The following SGCZ variants were observed in gnomAD, a reference collection of about 807,000 sequenced individuals.
SGCZ encodes the protein zeta-sarcoglycan.
In SGCZ, 40 loss-of-function variants were observed where a neutral mutation model predicts 41.3. The ratio of observed to expected loss-of-function variants is 0.97; its 90% CI spans 0.75 to 1.26. The LOEUF is 1.26. Among genes scored for constraint, SGCZ ranks in the 50% most tolerant of loss-of-function variants. The probability of loss-of-function intolerance (pLI) is 0.00; values close to 1 mark genes in which losing one functional copy is unlikely to be tolerated. For synonymous variants in SGCZ, 206 were observed against 137.5 expected, an observed-to-expected ratio of 1.50 and a Z score of -3.49; for missense variants, 552 against 369.8, an observed-to-expected ratio of 1.49 and a Z score of -4.04.
At chr8:14,264,836 G>T (rs1475232229) in intron 3 of SGCZ, among the ~76,000 whole-genome samples, 1 of 152,052 alleles carries the variant, frequency 6.6e-6, no homozygotes, top group Non-Finnish European at 1.5e-5. Flanking sequence ...GGTGGCGGGC[G>T]CCTGTAGTCC....
chr8:14,660,471 G>T (rs1200160178), intron 1 of SGCZ, among the ~76,000 whole-genome samples: 1 of 149,796 alleles, frequency 6.7e-6, no homozygotes, highest in Non-Finnish European at 1.5e-5. Context: ...ACCTGGGAGG[G>T]TGAGGCAGGA....
chr8:14,109,698 G>T (rs1305345146), intron 5 of SGCZ, among the ~76,000 whole-genome samples: 2 of 152,076 alleles, frequency 1.3e-5, no homozygotes, highest in Non-Finnish European at 2.9e-5. Flanking sequence ...AAACTAAATT[G>T]CTATATATGG....
intron 1 of SGCZ, among the ~76,000 whole-genome samples, chr8:14,685,302 C>G (rs1808576740): frequency 1.3e-5 from 2 of 151,924 alleles, no homozygotes; most frequent in Admixed American, 6.6e-5. Context: ...TTTCCAATTA[C>G]AGAGTAAAAA....
intron 1 of SGCZ, among the ~76,000 whole-genome samples, chr8:14,745,822 T>A (rs1354492752): frequency 1.3e-5 from 2 of 152,080 alleles, no homozygotes; most frequent in Non-Finnish European, 2.9e-5. Flanking sequence ...AAGTAGGGAA[T>A]TTAGTATATT....
chr8:14,847,174 GA>G (rs1803157475), intron 1 of SGCZ, among the ~76,000 whole-genome samples: 1 of 143,666 alleles, frequency 7.0e-6, no homozygotes, highest in African/African-American at 2.7e-5. Flanking sequence ...AGAAGAAGAA[GA>G]AGAAGAAGAA....
At chr8:15,221,196 C>T (rs1801589340) in intron 1 of SGCZ, among the ~76,000 whole-genome samples, 2 of 152,070 alleles carry the variant, frequency 1.3e-5, no homozygotes, top group Non-Finnish European at 2.9e-5. Context: ...TACATTTACT[C>T]TAAGAAGTCA....
At chr8:15,022,452 T>C (rs1351132967) in intron 1 of SGCZ, among the ~76,000 whole-genome samples, 2 of 152,146 alleles carry the variant, frequency 1.3e-5, no homozygotes, top group African/African-American at 4.8e-5. Flanking sequence ...CAAGCGATTC[T>C]CCTACTTCAG....
chr8:14,396,247 T>A (rs1467861049), intron 2 of SGCZ, among the ~76,000 whole-genome samples: 3 of 152,172 alleles, frequency 2.0e-5, no homozygotes, highest in African/African-American at 7.2e-5. Context: ...TTCAATTTAG[T>A]GTAAGGTAAG....
At chr8:14,527,541 C>A (rs192008253) in intron 2 of SGCZ, among the ~76,000 whole-genome samples, 1 of 148,888 alleles carries the variant, frequency 6.7e-6, no homozygotes, top group Non-Finnish European at 1.5e-5. Flanking sequence ...AAAATATTCA[C>A]CTTTTTTTAA....
At position 14,998,706 on chromosome 8, in the gene SGCZ, G is replaced by C. The variant is rs78173836; in HGVS notation, c.39+238879C>G. On this transcript the variant is annotated intron_variant, in intron 1 of 7. Transcript: ENST00000382080. The stretch of plus-strand genomic sequence containing the variant: ...TTATTCATAATTCTTATCAGAGTTT[G>C]GTCCTGTATAGAGTTGCAATGCTTG... 9.8e-3 allele frequency among the ~76,000 whole-genome samples: 1,498 copies of C among 152,260 alleles called. 64 individuals are homozygous for C. The East Asian group carries it at 0.15, about 15-fold the overall frequency.
chr8:14,323,808 T>C (rs1802006863), intron 3 of SGCZ, among the ~76,000 whole-genome samples: 1 of 152,020 alleles, frequency 6.6e-6, no homozygotes, highest in Non-Finnish European at 1.5e-5. Context: ...AATGCCCCCT[T>C]GGGATTTACT....
At chr8:15,122,094 G>A (rs911476043) in intron 1 of SGCZ, among the ~76,000 whole-genome samples, 1 of 151,854 alleles carries the variant, frequency 6.6e-6, no homozygotes, top group African/African-American at 2.4e-5. Flanking sequence ...TTTTAAATTT[G>A]GAGGTTTGAT....
At chr8:15,211,895 T>A (rs1801247443) in intron 1 of SGCZ, among the ~76,000 whole-genome samples, 1 of 152,130 alleles carries the variant, frequency 6.6e-6, no homozygotes, top group African/African-American at 2.4e-5. Context: ...TTGATTAGGG[T>A]TCACTTTTGG....
chr8:15,233,391 T>C (rs1802020769), intron 1 of SGCZ, among the ~76,000 whole-genome samples: 1 of 151,854 alleles, frequency 6.6e-6, no homozygotes, highest in South Asian at 2.1e-4. Context: ...AACTCTCTTA[T>C]TTGATTTAAA....
intron 1 of SGCZ, among the ~76,000 whole-genome samples, chr8:14,562,562 T>C (rs1251005044): frequency 6.6e-6 from 1 of 152,142 alleles, no homozygotes; most frequent in Non-Finnish European, 1.5e-5. Flanking sequence ...AGAATATCTT[T>C]CAGAGCAAGT....
At chr8:14,373,092 A>C (rs1803970172) in intron 2 of SGCZ, among the ~76,000 whole-genome samples, 1 of 152,166 alleles carries the variant, frequency 6.6e-6, no homozygotes, top group African/African-American at 2.4e-5. Flanking sequence ...TCTAGAGGAA[A>C]GAAAATGAGG....
At chr8:14,974,892 C>T (rs1192221728) in intron 1 of SGCZ, among the ~76,000 whole-genome samples, 5 of 149,396 alleles carry the variant, frequency 3.3e-5, no homozygotes, top group Admixed American at 6.7e-5. Flanking sequence ...GGAAATACAG[C>T]ACATCACTCT....
At chr8:14,127,073 G>C (rs929127091) in intron 5 of SGCZ, among the ~76,000 whole-genome samples, 1 of 151,926 alleles carries the variant, frequency 6.6e-6, no homozygotes, top group East Asian at 1.9e-4. Flanking sequence ...AAACCACCAT[G>C]GCTTACCTAT....
intron 5 of SGCZ, among the ~76,000 whole-genome samples, chr8:14,110,011 CTT>C (rs906500580): frequency 6.6e-6 from 1 of 151,998 alleles, no homozygotes; most frequent in Admixed American, 6.6e-5. Context: ...GTTTTTAAAA[CTT>C]TTTTTCATGA....
Sources: gnomAD v4.1 joint callset for allele counts (sites outside exome capture counted in the v4.1 genomes callset) on GRCh38, gnomAD v4.1.1 for gene constraint, MANE v1.5 for transcripts, NCBI Gene and HGNC (gene_info 2026-07-23, HGNC 2026-07-21) for gene names.